The following STARD13 variants were observed in gnomAD, a reference collection of about 807,000 sequenced individuals.
The protein encoded by STARD13 is StAR related lipid transfer domain containing 13.
STARD13 carries 62 observed loss-of-function variants against 106.4 expected under a neutral mutation model. The ratio of observed to expected loss-of-function variants is 0.58; its 90% CI spans 0.48 to 0.72. STARD13 has a LOEUF of 0.72. Ranked by LOEUF, STARD13 falls within the 30% of genes least tolerant of loss-of-function variation. STARD13 has a pLI of 0.00. For synonymous variants in STARD13, 565 were observed against 553.0 expected, an observed-to-expected ratio of 1.02 and a Z score of -0.31; for missense variants, 1,387 against 1,424.0, an observed-to-expected ratio of 0.97 and a Z score of 0.42.
intron 3 of STARD13, among the ~76,000 whole-genome samples, chr13:33,163,605 A>ATAT (rs1555239807): frequency 1.2e-4 from 12 of 97,630 alleles, no homozygotes; most frequent in East Asian, 4.1e-4. Flanking sequence ...AAAAAAAAAA[A>ATAT]ATATATATAT....
At chr13:33,124,126 A>G (rs1876787624) in intron 7 of STARD13, among the ~76,000 whole-genome samples, 1 of 152,014 alleles carries the variant, frequency 6.6e-6, no homozygotes, top group Non-Finnish European at 1.5e-5. Flanking sequence ...TTGCTCTGAA[A>G]TCTCCGGAAA....
chr13:33,347,571 G>C (rs116040253), downstream of STARD13, among the ~76,000 whole-genome samples: 2,231 of 152,202 alleles, frequency 0.015, 62 homozygotes, highest in African/African-American at 0.05. Flanking sequence ...TTTTAGATGT[G>C]TTTAGAGACA....
chr13:33,226,231 T>A (rs1387922209), intron 1 of STARD13, among the ~76,000 whole-genome samples: 1 of 152,238 alleles, frequency 6.6e-6, no homozygotes, highest in Non-Finnish European at 1.5e-5. Context: ...CTGAGCAAAC[T>A]AATGCAAGCT....
chr13:33,329,772 C>T (rs1373041490), intron 1 of STARD13, among the ~76,000 whole-genome samples: 2 of 149,572 alleles, frequency 1.3e-5, no homozygotes, highest in Non-Finnish European at 3.0e-5. Context: ...GATGCAATCT[C>T]GGCTCACTGC....
intron 4 of STARD13, among the ~76,000 whole-genome samples, chr13:33,140,504 T>C (rs1879671992): frequency 6.6e-6 from 1 of 152,230 alleles, no homozygotes; most frequent in African/African-American, 2.4e-5. Context: ...AAACTGCTCA[T>C]GTTTTAATAT....
At chr13:33,602,776 C>A in the STARD13 span, among the ~76,000 whole-genome samples, 2,410 of 152,256 alleles carry the variant, frequency 0.016, 77 homozygotes, top group African/African-American at 0.055. Flanking sequence ...GGAGCATGAA[C>A]CCTGTTGTGA....
chr13:33,548,908 A>C, the STARD13 span, among the ~76,000 whole-genome samples: 1 of 152,170 alleles, frequency 6.6e-6, no homozygotes, highest in Non-Finnish European at 1.5e-5. Context: ...AGAAAGACAA[A>C]ATCAAAAATC....
chr13:33,321,950 C>T (rs1249733942), intron 1 of STARD13, among the ~76,000 whole-genome samples: 3 of 152,166 alleles, frequency 2.0e-5, no homozygotes. Flanking sequence ...ATAATTTGTG[C>T]ATCAGGCTAA....
chr13:33,502,089 A>C, the STARD13 span, among the ~76,000 whole-genome samples: 3 of 152,142 alleles, frequency 2.0e-5, no homozygotes, highest in Non-Finnish European at 4.4e-5. Context: ...CTCCGTGAAG[A>C]GGTCCTTCAC....
intron 3 of STARD13, among the ~76,000 whole-genome samples, chr13:33,159,061 A>G (rs956699945): frequency 6.6e-6 from 1 of 152,166 alleles, no homozygotes; most frequent in Non-Finnish European, 1.5e-5. Flanking sequence ...AGTTATAACA[A>G]CTTCCTGCCA....
the STARD13 span, among the ~76,000 whole-genome samples, chr13:33,572,352 A>G: frequency 1.3e-5 from 2 of 152,148 alleles, no homozygotes; most frequent in Non-Finnish European, 2.9e-5. Flanking sequence ...TGTTCGAACC[A>G]TGTTCAAATA....
At chr13:33,202,853 C>T (rs778946099) in intron 1 of STARD13, among the ~76,000 whole-genome samples, 33 of 152,054 alleles carry the variant, frequency 2.2e-4, no homozygotes, top group Admixed American at 5.9e-4. Flanking sequence ...TGGCAAAATT[C>T]GCTCACTTCC....
chr13:33,322,670 T>C (rs1287943641), intron 1 of STARD13, among the ~76,000 whole-genome samples: 1 of 152,252 alleles, frequency 6.6e-6, no homozygotes, highest in Non-Finnish European at 1.5e-5. Context: ...AAATAGGATC[T>C]GGAAAGCATT....
rs763070796 is a variant in STARD13 at position 33,110,894 on chromosome 13, A to T, written c.2621T>A (p.Leu874Ter). The change falls in exon 11 of 14, where the codon TTG becomes TAG. Residue 874 changes from leucine (L) to a stop codon, truncating the protein, a stop_gained. Transcript: ENST00000336934. LOFTEE classifies it high-confidence loss of function. Reference protein sequence around the residue: ...CDRLFEVPHELVAQSRNSYVE... With the variant: ...CDRLFEVPHE ...ATACGAGTTACGAGACTGGGCCACC[A>T]ACTCGTGTGGAACCTAGACCAACGG... 6.2e-7 allele frequency: 1 copy of T among 1,613,118 alleles called. No homozygotes were observed. Among genetic ancestry groups the T allele is most frequent in the Admixed American group, 1.7e-5 (1 of 60,030 alleles).
chr13:33,282,073 C>A (rs1250826811), intron 1 of STARD13, among the ~76,000 whole-genome samples: 1 of 152,138 alleles, frequency 6.6e-6, no homozygotes, highest in Non-Finnish European at 1.5e-5. Context: ...TCCACCACCC[C>A]CAGCATCCTC....
At chr13:33,469,485 T>C in the STARD13 span, among the ~76,000 whole-genome samples, 1 of 152,180 alleles carries the variant, frequency 6.6e-6, no homozygotes, top group Non-Finnish European at 1.5e-5. Flanking sequence ...CTCTGAGTAT[T>C]GGCAGAAATA....
chr13:33,230,551 T>C (rs1318564291), intron 1 of STARD13, among the ~76,000 whole-genome samples: 1 of 152,254 alleles, frequency 6.6e-6, no homozygotes, highest in Non-Finnish European at 1.5e-5. Context: ...TTTCATAATC[T>C]TCTTTTGTAA....
the STARD13 span, among the ~76,000 whole-genome samples, chr13:33,507,961 G>C: frequency 6.6e-6 from 1 of 152,098 alleles, no homozygotes; most frequent in East Asian, 1.9e-4. Context: ...GGCAGAGGTG[G>C]AGGAAAATCC....
At chr13:33,675,681 T>C in the STARD13 span, among the ~76,000 whole-genome samples, 2 of 152,174 alleles carry the variant, frequency 1.3e-5, no homozygotes, top group South Asian at 2.1e-4. Flanking sequence ...ATTAACTTAG[T>C]CCCTGTATAT....
Sources: gnomAD v4.1 joint callset for allele counts (sites outside exome capture counted in the v4.1 genomes callset) on GRCh38, gnomAD v4.1.1 for gene constraint, MANE v1.5 for transcripts, NCBI Gene and HGNC (gene_info 2026-07-23, HGNC 2026-07-21) for gene names.